ACACB: variants seen among roughly 807,000 people sequenced by gnomAD.
ACACB encodes acetyl-CoA carboxylase 2.
ACACB carries 209 observed loss-of-function variants against 278.8 expected under a neutral mutation model. The observed-to-expected ratio is 0.75, with a 90% CI of 0.67 to 0.84. ACACB has a LOEUF of 0.84. ACACB is among the 40% of genes least tolerant of loss of function. The pLI is 0.00. For missense variants in ACACB, 2,850 were observed against 3,269.0 expected, an observed-to-expected ratio of 0.87 and a Z score of 3.13; for synonymous variants, 1,174 against 1,285.6, an observed-to-expected ratio of 0.91 and a Z score of 1.86.
At chr12:109,248,015 C>T (rs2046994915) in intron 40 of ACACB, among the ~76,000 whole-genome samples, 1 of 152,210 alleles carries the variant, frequency 6.6e-6, no homozygotes, top group African/African-American at 2.4e-5. Flanking sequence ...GCAGCGGTGA[C>T]TTGGCAAACT....
chr12:109,166,676 AAC>A lies in ACACB; in HGVS notation c.654-184_654-183del, dbSNP rs1243567286. 5.0e-3 allele frequency among the ~76,000 whole-genome samples: 447 copies of A among 89,334 alleles called. 94 individuals are homozygous for A. Among genetic ancestry groups the A allele is most frequent in the African/African-American group, 0.014 (376 of 26,296 alleles). 58.6% of individuals were successfully genotyped at this position (89,334 alleles called of 152,430 possible). ...AAAAAAAAAAAAAAAAAAAAAAAAA[AAC>A]CGAAGGTGCTTCCTGCCCTTGAGCC... On this transcript the variant is annotated intron_variant, in intron 2 of 52. Coordinates refer to ENST00000338432, the MANE Select transcript of ACACB (RefSeq NM_001093.4).
intron 35 of ACACB, among the ~76,000 whole-genome samples, chr12:109,240,854 A>G (rs1270229911): frequency 6.6e-6 from 1 of 152,142 alleles, no homozygotes; most frequent in Non-Finnish European, 1.5e-5. Context: ...GGGATTAGAA[A>G]AGCTCGCCTC....
At chr12:109,264,729 C>A (rs1270377319) in intron 50 of ACACB, among the ~76,000 whole-genome samples, 1 of 152,108 alleles carries the variant, frequency 6.6e-6, no homozygotes, top group Non-Finnish European at 1.5e-5. Flanking sequence ...AGCATTCACC[C>A]ACCCCTCACC....
chr12:109,119,348 TG>T (rs1321276378), intron 1 of ACACB, among the ~76,000 whole-genome samples: 2 of 152,174 alleles, frequency 1.3e-5, no homozygotes, highest in African/African-American at 4.8e-5. Flanking sequence ...CCCAGCACTT[TG>T]GGAGGCTGAG....
In ACACB at chr12:109,199,493, C is replaced by A; in HGVS notation, c.2719C>A (p.Gln907Lys). 6.4e-7 allele frequency: 1 copy of A among 1,563,622 alleles called. No homozygotes were observed. ...LRSPSAGKLT[Q>K]YTVEDGGHVE... ...ATCCCCCTCGGCTGGGAAGCTGACA[C>A]AGTACACAGTGGAGGATGGGGGCCA... Residue 907 changes from glutamine to lysine, a missense_variant, in exon 18 of 53, where the codon CAG (glutamine) becomes AAG (lysine). By Grantham distance (53) the Gln-to-Lys change is moderately conservative. Around this residue, in one of 3 missense-constraint regions of ACACB, gnomAD observed 2,265 missense variants for 2,561.3 expected, o/e 0.88. Coordinates refer to ENST00000338432, the MANE Select transcript of ACACB (RefSeq NM_001093.4).
chr12:109,220,569 C>T (rs202050865), intron 24 of ACACB, among the ~76,000 whole-genome samples: 5 of 152,140 alleles, frequency 3.3e-5, no homozygotes, highest in Non-Finnish European at 5.9e-5. Flanking sequence ...TGTTTGTTTT[C>T]GAGACAGAGT....
chr12:109,208,918 C>T (rs1426092202), intron 20 of ACACB, among the ~76,000 whole-genome samples: 1 of 152,188 alleles, frequency 6.6e-6, no homozygotes, highest in Non-Finnish European at 1.5e-5. Context: ...TGATCCCCCA[C>T]ACCATGCTGG....
intron 19 of ACACB, among the ~76,000 whole-genome samples, chr12:109,202,073 G>A (rs530133944): frequency 1.4e-4 from 22 of 152,252 alleles, no homozygotes; most frequent in African/African-American, 5.1e-4. Flanking sequence ...CTGCTGTGAA[G>A]GACCTACCCC....
Position 109,264,391 on chromosome 12 carries a change from G to A in ACACB, c.6942+5G>A. On this transcript the variant is annotated splice_donor_5th_base_variant and intron_variant, in intron 50 of 52. Coordinates refer to ENST00000338432, the MANE Select transcript of ACACB (RefSeq NM_001093.4). Reference sequence around the variant, plus strand: ...CTGGAGAAGGGCGTCATATCTGTGAGAGCCACAGCTGCCGTGTAGGGTGCA... The same window carrying A: ...CTGGAGAAGGGCGTCATATCTGTGAAAGCCACAGCTGCCGTGTAGGGTGCA... 6.2e-7 allele frequency: 1 copy of A among 1,613,896 alleles called. No individual in the cohort carries two copies. Among genetic ancestry groups the A allele is most frequent in the Non-Finnish European group, 8.5e-7 (1 of 1,179,930 alleles).
Position 109,237,223 on chromosome 12 carries a change from T to A in ACACB, c.4505T>A (p.Leu1502His), listed in dbSNP as rs761645142. 3.1e-6 allele frequency: 5 copies of A among 1,614,180 alleles called. No individual in the cohort carries two copies. Among genetic ancestry groups the A allele is most frequent in the Admixed American group, 1.7e-5 (1 of 60,014 alleles). Residue 1502 changes from leucine to histidine, a missense_variant, in exon 34 of 53, where the codon CTT (leucine) becomes CAT (histidine). Leu to His is a moderately conservative substitution (Grantham distance 99). Transcript: ENST00000338432. ...LEPALAFQLE[L>H]NRMRNFDLTA... ...CCTGCCCTGGCCTTCCAGCTGGAAC[T>A]TAACCGGATGCGTAACTTCGATCTG...
intron 38 of ACACB, 80 bp downstream of exon 38, chr12:109,245,828 C>A: frequency 6.5e-7 from 1 of 1,541,096 alleles, no homozygotes; most frequent in South Asian, 1.2e-5. Context: ...GTAGCTCACA[C>A]CTGTAATCCC....
At chr12:109,211,450 A>AC (rs2045847533) in intron 21 of ACACB, among the ~76,000 whole-genome samples, 1 of 145,152 alleles carries the variant, frequency 6.9e-6, no homozygotes, top group Non-Finnish European at 1.5e-5. Flanking sequence ...ATGGGTTTTC[A>AC]CCATGTTGGC....
chr12:109,154,468 T>C (rs936114582), intron 2 of ACACB, among the ~76,000 whole-genome samples: 15 of 152,346 alleles, frequency 9.8e-5, no homozygotes, highest in East Asian at 3.9e-4. Context: ...GTGTCCCATA[T>C]TGGGGAGCAA....
upstream of ACACB, among the ~76,000 whole-genome samples, chr12:109,112,281 A>G (rs982710477): frequency 1.2e-4 from 17 of 147,166 alleles, no homozygotes; most frequent in Non-Finnish European, 1.9e-4. Flanking sequence ...ATGTATGTAT[A>G]TATGTATATA....
Position 109,187,999 on chromosome 12 carries a change from G to A in ACACB, c.1981G>A (p.Gly661Ser). The A allele has an allele frequency of 3.1e-6, 5 of 1,588,614 alleles. No homozygotes were observed. Among genetic ancestry groups the A allele is most frequent in the Non-Finnish European group, 4.3e-6 (5 of 1,160,350 alleles). The change falls in exon 13 of 53, where the codon GGT (glycine) becomes AGT (serine). Residue 661 changes from glycine (G) to serine (S), a missense_variant and splice_region_variant. This residue lies in a region of ACACB where 2,265 missense variants were observed against 2,561.3 expected (regional missense o/e 0.88). Transcript: ENST00000338432. ...ARITSENPDE[G>S]FKPSSGTVQE... ...TTTGCATTTTCTGTCCGGACTCCAGGGTTTTAAGCCGAGCTCCGGGACTGT... is the reference window on the plus strand; with the variant it reads ...TTTGCATTTTCTGTCCGGACTCCAGAGTTTTAAGCCGAGCTCCGGGACTGT...
chr12:109,252,473 G>A (rs776058895), intron 42 of ACACB: 4 of 222,358 alleles, frequency 1.8e-5, no homozygotes, highest in Admixed American at 5.3e-5. Context: ...TATCATTCTG[G>A]TATAGTTCCC....
intron 2 of ACACB, among the ~76,000 whole-genome samples, chr12:109,149,884 T>A (rs570059030): frequency 1.3e-5 from 2 of 152,300 alleles, no homozygotes; most frequent in East Asian, 3.9e-4. Context: ...CAGAGAGAGC[T>A]GTGGAATAGT....
chr12:109,145,061 C>T (rs192466918), intron 2 of ACACB, among the ~76,000 whole-genome samples: 123 of 152,056 alleles, frequency 8.1e-4, no homozygotes, highest in African/African-American at 2.7e-3. Context: ...GCGCCCGGCC[C>T]GCTTCATAGT....
intron 52 of ACACB, 125 bp from the exon 53 acceptor site, chr12:109,266,111 G>A (rs2047510544): frequency 5.7e-6 from 7 of 1,235,714 alleles, no homozygotes; most frequent in African/African-American, 1.5e-5. Flanking sequence ...CCCCCATGGG[G>A]ACCACAGCAG....
Sources: gnomAD v4.1 joint callset for allele counts (sites outside exome capture counted in the v4.1 genomes callset) on GRCh38, gnomAD v4.1.1 for gene constraint, gnomAD v4.1.1 regional missense constraint, MANE v1.5 for transcripts, NCBI Gene and HGNC (gene_info 2026-07-23, HGNC 2026-07-21) for gene names.